The following CFAP97 variants were observed in gnomAD, a reference collection of about 807,000 sequenced individuals.
CFAP97 encodes the protein cilia- and flagella-associated protein 97.
Under a neutral mutation model 43.1 loss-of-function variants are expected in CFAP97, and 36 were observed. That is an observed-to-expected ratio of 0.84 (90% CI 0.64 to 1.10). The LOEUF (loss-of-function observed/expected upper bound fraction) is 1.10. CFAP97 is among the 50% of genes least tolerant of loss of function. The pLI, the probability that CFAP97 is intolerant of heterozygous loss-of-function variation, is 0.00. For missense variants in CFAP97, 657 were observed against 620.3 expected (o/e 1.06, Z -0.63); for synonymous variants, 228 against 225.7 (o/e 1.01, Z -0.09).
At position 185,190,771 on chromosome 4, in the gene CFAP97, C is replaced by T; in HGVS notation, c.426G>A (p.Gly142=). 2 of 1,601,490 alleles carry T rather than the reference C, an allele frequency of 1.2e-6. No individual in the cohort carries two copies. Among genetic ancestry groups the T allele is most frequent in the Non-Finnish European group, 1.7e-6 (2 of 1,173,112 alleles). ...ACTTGGACTTCACATGGTATTTCTT[C>T]CCATCATCACTGCTTTCCTCTCCAT... ...YTDGEESSDD[G]KKYHVKSKSA... Residue 142 remains glycine (G), a synonymous_variant, in exon 2 of 5, where the codon GGG becomes GGA. Coordinates refer to ENST00000458385, the MANE Select transcript of CFAP97 (RefSeq NM_020827.3).
chr4:185,163,196 A>C (rs1352909130), intron 4 of CFAP97, among the ~76,000 whole-genome samples: 3 of 152,204 alleles, frequency 2.0e-5, no homozygotes, highest in Non-Finnish European at 4.4e-5. Flanking sequence ...GACTTTGTAT[A>C]ACCATTTATA....
At chr4:185,198,719 A>G (rs56827340) in intron 1 of CFAP97, among the ~76,000 whole-genome samples, 74,199 of 148,746 alleles carry the variant, frequency 0.5, 18,727 homozygotes, top group East Asian at 0.59. Flanking sequence ...AAGCCAGGAG[A>G]TGGAGGTTGC....
chr4:185,207,511 C>T (rs1028854150), upstream of CFAP97, among the ~76,000 whole-genome samples: 9 of 152,140 alleles, frequency 5.9e-5, no homozygotes, highest in Admixed American at 5.9e-4. Context: ...AGCCACCACG[C>T]CTGGCCAACT....
Position 185,209,213 on chromosome 4 carries a change from G to C in CFAP97, c.-74+112C>G, listed in dbSNP as rs2111455950. 6.6e-6 allele frequency: 1 copy of C among 152,354 alleles called. No individual in the cohort carries two copies. The highest frequency in any genetic ancestry group is 1.5e-5 in the Non-Finnish European group (1 of 68,042). 9.4% of individuals were successfully genotyped at this position (152,354 alleles called of 1,614,324 possible). On this transcript the variant is annotated intron_variant, in intron 1 of 2. Coordinates refer to the CFAP97 transcript ENST00000503223. The surrounding 1 kb of genome is among the most constrained non-coding windows in gnomAD (Gnocchi z 5.2). Reference sequence around the variant, plus strand: ...AACTGTGACAGGGAGTCTCGGGAACGGTTGCCTATTTAAATAGCGAGTGAA... The same window carrying C: ...AACTGTGACAGGGAGTCTCGGGAACCGTTGCCTATTTAAATAGCGAGTGAA...
chr4:185,192,101 A>G (rs142956198), intron 1 of CFAP97, among the ~76,000 whole-genome samples: 200 of 152,284 alleles, frequency 1.3e-3, no homozygotes, highest in Non-Finnish European at 2.0e-3. Flanking sequence ...CCTTTACTGC[A>G]GTTAGGAAGG....
chr4:185,201,528 C>T (rs1736829640), intron 1 of CFAP97, among the ~76,000 whole-genome samples: 1 of 152,056 alleles, frequency 6.6e-6, no homozygotes, highest in Admixed American at 6.5e-5. Context: ...GCAAGACCCT[C>T]CACCAGCAAA....
In CFAP97 at chr4:185,191,062, A is replaced by T; in HGVS notation, c.135T>A (p.Asp45Glu). ...TCGAATTTACATTTTTTGTATCTTTATCTATTCTTTCCTTTGGGTCATCAT... is the reference window on the plus strand; with the variant it reads ...TCGAATTTACATTTTTTGTATCTTTTTCTATTCTTTCCTTTGGGTCATCAT... ...KQNDDPKERI[D>E]KDTKNVNSNT... is the part of the protein sequence containing the mutation. Residue 45 changes from aspartate to glutamate, a missense_variant, in exon 2 of 5, where the codon GAT becomes GAA. Transcript: ENST00000458385. 1 of 1,613,360 alleles carries T rather than the reference A, an allele frequency of 6.2e-7. No homozygotes were observed.
chr4:185,175,265 TTCTTC>T (rs1422144659), intron 3 of CFAP97, among the ~76,000 whole-genome samples: 1 of 152,032 alleles, frequency 6.6e-6, no homozygotes, highest in East Asian at 1.9e-4. Flanking sequence ...TCTCTCTTTT[TTCTTC>T]TCTTTTCTTT....
intron 1 of CFAP97, among the ~76,000 whole-genome samples, chr4:185,199,889 AATG>A (rs1233687430): frequency 6.6e-6 from 1 of 152,178 alleles, no homozygotes; most frequent in Non-Finnish European, 1.5e-5. Flanking sequence ...CAATAGCTCT[AATG>A]AAGATGTGCA....
chr4:185,161,682 A>T lies in CFAP97; in HGVS notation c.*1116T>A, dbSNP rs897778921. 1.3e-5 allele frequency: 2 copies of T among 152,228 alleles called. No homozygotes were observed. Among genetic ancestry groups the T allele is most frequent in the African/African-American group, 4.8e-5 (2 of 41,466 alleles). 9.4% of individuals were successfully genotyped at this position (152,228 alleles called of 1,614,324 possible). On this transcript the variant is annotated 3_prime_UTR_variant, in exon 5 of 5. Transcript: ENST00000458385. ...TTCCATCAAGATTACTAGGTCTTTA[A>T]ATGTGGGACTGGTAAAAATAATACT...
At chr4:185,165,000 C>T (rs1465025176) in intron 3 of CFAP97, among the ~76,000 whole-genome samples, 1 of 152,184 alleles carries the variant, frequency 6.6e-6, no homozygotes, top group Non-Finnish European at 1.5e-5. Flanking sequence ...GGAGGGCCCT[C>T]GGGTCTTCCA....
intron 3 of CFAP97, among the ~76,000 whole-genome samples, chr4:185,171,499 A>G (rs1233873375): frequency 6.6e-6 from 1 of 152,196 alleles, no homozygotes; most frequent in Non-Finnish European, 1.5e-5. Flanking sequence ...TACTTCCTCC[A>G]TAACTTTGCT....
rs769574454 is a variant in CFAP97, at chr4:185,164,039, A to G, written c.1461T>C (p.Tyr487=). The change falls in exon 4 of 5, where the codon TAT becomes TAC. Residue 487 remains tyrosine, a synonymous_variant. Coordinates refer to ENST00000458385, the MANE Select transcript of CFAP97 (RefSeq NM_020827.3). ...SRRARSTLGQ[Y]SPLRASRTSS... is the part of the protein sequence containing the mutation. The stretch of plus-strand genomic sequence containing the variant: ...TTCCAAAATGCTTACTTAATGGGCT[A>G]TATTGGCCAAGAGTGGATCTGGCCC... The G allele has an allele frequency of 6.2e-7, 1 of 1,613,650 alleles. No homozygotes were observed. Among genetic ancestry groups the G allele is most frequent in the South Asian group, 1.1e-5 (1 of 90,914 alleles).
Position 185,190,892 on chromosome 4 carries a change from T to G in CFAP97, c.305A>C (p.Lys102Thr), listed in dbSNP as rs1368376032. The part of the protein sequence containing the change: ...FSLPASSRSK[K>T]LCDVTTGLKI... The stretch of plus-strand genomic sequence containing the variant: ...AAGTCCTGTTGTAACATCACACAAT[T>G]TTTTTGATCTTGAAGAGGCTGGCAA... The change falls in exon 2 of 5, where the codon AAA (lysine) becomes ACA (threonine). Residue 102 changes from lysine (K) to threonine (T), a missense_variant. Physicochemically the swap from Lys to Thr is moderately conservative, Grantham distance 78. Coordinates refer to ENST00000458385, the MANE Select transcript of CFAP97 (RefSeq NM_020827.3). 3 of 1,613,300 alleles carry G rather than the reference T, an allele frequency of 1.9e-6. No homozygotes were observed. In the South Asian group the frequency reaches 3.3e-5, roughly 18 times the overall value.
At chr4:185,191,630 G>A (rs1736260966) in intron 1 of CFAP97, among the ~76,000 whole-genome samples, 2 of 152,186 alleles carry the variant, frequency 1.3e-5, no homozygotes, top group Admixed American at 6.5e-5. Flanking sequence ...AAGAGATCGA[G>A]ACCATCCTGG....
chr4:185,175,725 C>G (rs1211619454), intron 3 of CFAP97, 61 bp downstream of exon 3: 2 of 1,500,760 alleles, frequency 1.3e-6, no homozygotes, highest in African/African-American at 2.8e-5. Flanking sequence ...TTCCTGTAAG[C>G]TGGACATACA....
chr4:185,209,813 G>A (rs1409659111), upstream of CFAP97: 1 of 983,830 alleles, frequency 1.0e-6, no homozygotes, highest in Non-Finnish European at 1.2e-6. The surrounding 1 kb of genome is among the most constrained non-coding windows in gnomAD (Gnocchi z 5.2). Context: ...GTCCTTAGCG[G>A]CCCAGGAAGC....
At chr4:185,205,111 C>G (rs1274804196), upstream of CFAP97, among the ~76,000 whole-genome samples, 2 of 152,204 alleles carry the variant, frequency 1.3e-5, no homozygotes, top group African/African-American at 4.8e-5. Context: ...GCATTTTGTA[C>G]TTGTTGGTCT....
At chr4:185,170,950 C>T (rs1190622429) in intron 3 of CFAP97, among the ~76,000 whole-genome samples, 1 of 122,676 alleles carries the variant, frequency 8.2e-6, no homozygotes, top group East Asian at 2.7e-4. Context: ...GAGCCACTTA[C>T]TCCAGCCTGG....
Sources: gnomAD v4.1 joint callset for allele counts (sites outside exome capture counted in the v4.1 genomes callset) on GRCh38, gnomAD v4.1.1 for gene constraint, Gnocchi (gnomAD v3.1) non-coding constraint, MANE v1.5 for transcripts, NCBI Gene and HGNC (gene_info 2026-07-23, HGNC 2026-07-21) for gene names.